The following PTPRD variants were observed in gnomAD, a reference collection of about 807,000 sequenced individuals.
The protein encoded by PTPRD is receptor-type tyrosine-protein phosphatase delta.
PTPRD carries 34 observed loss-of-function variants against 214.5 expected under a neutral mutation model. That is an observed-to-expected ratio of 0.16 (90% CI 0.12 to 0.21). The LOEUF is 0.21. PTPRD is among the 10% of genes least tolerant of loss of function. The pLI is 1.00. For missense variants in PTPRD, 2,545 were observed against 2,398.7 expected, an observed-to-expected ratio of 1.06 and a Z score of -1.27; for synonymous variants, 1,128 against 845.7, an observed-to-expected ratio of 1.33 and a Z score of -5.79.
intron 7 of PTPRD, among the ~76,000 whole-genome samples, chr9:9,602,806 G>A (rs887644891): frequency 2.6e-5 from 4 of 151,932 alleles, no homozygotes; most frequent in African/African-American, 9.7e-5. Context: ...TTTATAATGA[G>A]GCCTACGATG....
At chr9:9,471,324 T>G (rs779483056) in intron 8 of PTPRD, among the ~76,000 whole-genome samples, 1 of 152,196 alleles carries the variant, frequency 6.6e-6, no homozygotes, top group Non-Finnish European at 1.5e-5. Flanking sequence ...TAGCTGAACT[T>G]ATTATACTGT....
intron 5 of PTPRD, among the ~76,000 whole-genome samples, chr9:9,771,062 C>T (rs2098748104): frequency 6.6e-6 from 1 of 152,164 alleles, no homozygotes. Context: ...AGCAGAATCA[C>T]TATTTTACTC....
At chr9:9,088,982 T>G (rs1303306237) in intron 10 of PTPRD, among the ~76,000 whole-genome samples, 1 of 152,192 alleles carries the variant, frequency 6.6e-6, no homozygotes, top group South Asian at 2.1e-4. Flanking sequence ...TCAATAAATA[T>G]GAGCTATTTT....
intron 11 of PTPRD, among the ~76,000 whole-genome samples, chr9:8,932,908 C>T (rs934427523): frequency 6.6e-6 from 1 of 152,078 alleles, no homozygotes. Flanking sequence ...TTCCAGGCAC[C>T]ACTGAGGTAT....
chr9:9,308,803 T>G (rs932287217), intron 9 of PTPRD, among the ~76,000 whole-genome samples: 24 of 152,292 alleles, frequency 1.6e-4, no homozygotes, highest in African/African-American at 5.3e-4. Flanking sequence ...ATGTTGAATT[T>G]TTATCACATG....
intron 26 of PTPRD, among the ~76,000 whole-genome samples, chr9:8,494,756 C>T (rs2097223605): frequency 6.6e-6 from 1 of 152,192 alleles, no homozygotes; most frequent in Non-Finnish European, 1.5e-5. Flanking sequence ...TGAAATGCGT[C>T]AAGTTCCCTG....
At position 9,004,547 on chromosome 9, in the gene PTPRD, T is replaced by C. The variant is rs2099447316; in HGVS notation, c.-104+14150A>G. Among the ~76,000 whole-genome samples the C allele has an allele frequency of 2.0e-5, 3 of 152,168 alleles. No individual in the cohort carries two copies. In the South Asian group the frequency reaches 6.2e-4, roughly 32 times the overall value. ...CCGGAATGATTGCATCCCATTTAATTCTTCCCAAATGTTTCTCTTCCTGAC... is the reference window on the plus strand; with the variant it reads ...CCGGAATGATTGCATCCCATTTAATCCTTCCCAAATGTTTCTCTTCCTGAC... On this transcript the variant is annotated intron_variant, in intron 11 of 45. Coordinates refer to ENST00000381196, the MANE Select transcript of PTPRD (RefSeq NM_002839.4).
intron 10 of PTPRD, chr9:9,090,853 G>C (rs576306401): frequency 2.4e-6 from 2 of 832,514 alleles, no homozygotes; most frequent in Non-Finnish European, 4.1e-6. Context: ...ATGATGACAG[G>C]TTAAAAATTT....
intron 2 of PTPRD, among the ~76,000 whole-genome samples, chr9:10,493,586 AC>A (rs1256958831): frequency 2.6e-5 from 4 of 152,140 alleles, no homozygotes; most frequent in African/African-American, 9.6e-5. Context: ...TACACCTTAT[AC>A]AAAAATTAAT....
At chr9:9,760,594 T>C (rs905662844) in intron 6 of PTPRD, among the ~76,000 whole-genome samples, 2 of 131,282 alleles carry the variant, frequency 1.5e-5, no homozygotes, top group African/African-American at 2.9e-5. Context: ...TTTACTCAGC[T>C]ATCATACACA....
At chr9:8,971,575 A>T (rs1044710840) in intron 11 of PTPRD, among the ~76,000 whole-genome samples, 1 of 151,736 alleles carries the variant, frequency 6.6e-6, no homozygotes, top group Non-Finnish European at 1.5e-5. Context: ...TTAAAGTTCA[A>T]TGAACATGAT....
chr9:9,699,386 T>C (rs907272146), intron 7 of PTPRD, among the ~76,000 whole-genome samples: 4 of 152,198 alleles, frequency 2.6e-5, no homozygotes, highest in African/African-American at 9.6e-5. Flanking sequence ...GGATTTATAC[T>C]TAAGCTAAAA....
At chr9:10,366,404 C>A (rs934571348) in intron 2 of PTPRD, among the ~76,000 whole-genome samples, 1 of 152,102 alleles carries the variant, frequency 6.6e-6, no homozygotes, top group Non-Finnish European at 1.5e-5. Flanking sequence ...TTGACATTTG[C>A]ACTATAACTC....
chr9:10,603,285 T>A (rs1044181433), intron 2 of PTPRD, among the ~76,000 whole-genome samples: 4 of 151,840 alleles, frequency 2.6e-5, no homozygotes, highest in Non-Finnish European at 5.9e-5. Flanking sequence ...TGGGAGGAGA[T>A]ACACTGGAGT....
At chr9:10,124,425 A>G (rs776758406) in intron 3 of PTPRD, among the ~76,000 whole-genome samples, 1 of 152,190 alleles carries the variant, frequency 6.6e-6, no homozygotes, top group South Asian at 2.1e-4. Context: ...ACAACACACC[A>G]TGCGTATTCA....
At chr9:9,201,533 G>T (rs969957802) in intron 9 of PTPRD, among the ~76,000 whole-genome samples, 1 of 151,990 alleles carries the variant, frequency 6.6e-6, no homozygotes, top group East Asian at 1.9e-4. Flanking sequence ...ATGGGGAATA[G>T]AGTACTATAT....
intron 12 of PTPRD, among the ~76,000 whole-genome samples, chr9:8,709,524 AAAAAAAAG>A (rs2098282576): frequency 1.3e-5 from 2 of 150,974 alleles, no homozygotes; most frequent in African/African-American, 4.9e-5. Context: ...CAAAAAAAAA[AAAAAAAAG>A]AAAAAGAAAA....
At chr9:8,712,737 C>T (rs10977257) in intron 12 of PTPRD, among the ~76,000 whole-genome samples, 7 of 150,464 alleles carry the variant, frequency 4.7e-5, no homozygotes, top group South Asian at 2.1e-4. Context: ...GGGTGGGGGG[C>T]ATGGACTTTC....
At chr9:9,975,555 A>G (rs2095321606) in intron 4 of PTPRD, among the ~76,000 whole-genome samples, 1 of 152,226 alleles carries the variant, frequency 6.6e-6, no homozygotes, top group South Asian at 2.1e-4. Flanking sequence ...AGACTTTTCC[A>G]AAGACTTCGT....
Sources: allele counts gnomAD v4.1 joint callset (sites outside exome capture counted in the v4.1 genomes callset), GRCh38; gene constraint gnomAD v4.1.1; transcripts MANE v1.5; gene names NCBI Gene and HGNC (gene_info 2026-07-23, HGNC 2026-07-21).